PLEKHH2: variants seen among roughly 807,000 people sequenced by gnomAD.
PLEKHH2 encodes pleckstrin homology, MyTH4 and FERM domain containing H2.
In PLEKHH2, 129 loss-of-function variants were observed where a neutral mutation model predicts 187.9. The observed-to-expected ratio is 0.69, with a 90% CI of 0.59 to 0.79. The LOEUF is 0.79. Ranked by LOEUF, PLEKHH2 falls within the 30% of genes least tolerant of loss-of-function variation. PLEKHH2 has a pLI of 0.00. For missense variants in PLEKHH2, 2,076 were observed against 1,751.2 expected (o/e 1.19, Z -3.31); for synonymous variants, 686 against 605.6 (o/e 1.13, Z -1.95).
At position 43,700,460 on chromosome 2, in the gene PLEKHH2, A is replaced by G. The variant is rs1409317242; in HGVS notation, c.1502A>G (p.Glu501Gly). 1.9e-6 allele frequency: 3 copies of G among 1,614,014 alleles called. No individual in the cohort carries two copies. The African/African-American group carries it at 4.0e-5, about 22-fold the overall frequency. ...LVDGDSTEVL[E>G]NMDTSCDDGL... is the part of the protein sequence containing the mutation. ...GATGGAGACAGTACAGAAGTTTTAG[A>G]GAATATGGACACGAGTTGTGATGAT... The change falls in exon 8 of 30, where the codon GAG (glutamate) becomes GGG (glycine). Residue 501 changes from glutamate to glycine, a missense_variant. By Grantham distance (98) the Glu-to-Gly change is moderately conservative (BLOSUM62 -2). Transcript: ENST00000282406.
At chr2:43,758,406 T>C (rs1215056824) in intron 26 of PLEKHH2, among the ~76,000 whole-genome samples, 3 of 152,026 alleles carry the variant, frequency 2.0e-5, no homozygotes, top group Non-Finnish European at 4.4e-5. Flanking sequence ...GCACCCGCCA[T>C]CATGCCTGGC....
At chr2:43,652,260 A>G (rs1172237556) in intron 2 of PLEKHH2, among the ~76,000 whole-genome samples, 1 of 152,192 alleles carries the variant, frequency 6.6e-6, no homozygotes, top group Non-Finnish European at 1.5e-5. Context: ...GTTGACTCTA[A>G]GGGCCACAGA....
At chr2:43,764,444 C>G (rs1558640039) in intron 29 of PLEKHH2, 79 bp downstream of exon 29, 1 of 1,416,498 alleles carries the variant, frequency 7.1e-7, no homozygotes, top group Non-Finnish European at 9.7e-7. Context: ...AAAAGCAATG[C>G]TAATTGTTTT....
chr2:43,707,489 C>T lies in PLEKHH2; in HGVS notation c.1910C>T (p.Ser637Leu), dbSNP rs1464046160. Reference sequence around the variant, plus strand: ...AGCTCCAGATCCAGCTCCCGGACGTCAGAGTCAGACTCACGCAGTAGGAGT... The same window carrying T: ...AGCTCCAGATCCAGCTCCCGGACGTTAGAGTCAGACTCACGCAGTAGGAGT... ...EDSSRSSSRT[S>L]ESDSRSRSGP... is the part of the protein sequence containing the mutation. Residue 637 changes from serine to leucine, a missense_variant, in exon 11 of 30, where the codon TCA becomes TTA. Physicochemically the swap from Ser to Leu is moderately radical, Grantham distance 145 (BLOSUM62 -2). Coordinates refer to ENST00000282406, the MANE Select transcript of PLEKHH2 (RefSeq NM_172069.4). 3 of 1,613,988 alleles carry T rather than the reference C, an allele frequency of 1.9e-6. No individual in the cohort carries two copies. The African/African-American group carries it at 4.0e-5, about 22-fold the overall frequency.
At chr2:43,740,858 G>A (rs1202436837) in intron 20 of PLEKHH2, 88 bp from the exon 21 acceptor site, 2 of 1,526,572 alleles carry the variant, frequency 1.3e-6, no homozygotes, top group Non-Finnish European at 1.8e-6. Flanking sequence ...TGGGTTAAGA[G>A]AGACTGTCAT....
chr2:43,708,605 A>G (rs1462370257), intron 11 of PLEKHH2, among the ~76,000 whole-genome samples: 2 of 151,992 alleles, frequency 1.3e-5, no homozygotes, highest in Non-Finnish European at 2.9e-5. Flanking sequence ...GTTCCATACC[A>G]CCTACTGCCT....
At chr2:43,673,805 A>T (rs951077109) in intron 2 of PLEKHH2, among the ~76,000 whole-genome samples, 1 of 152,186 alleles carries the variant, frequency 6.6e-6, no homozygotes, top group Non-Finnish European at 1.5e-5. Flanking sequence ...CTGAGTTCCA[A>T]TTTAGGTCTT....
rs540469665 is a variant in PLEKHH2, at chr2:43,639,113, T to C, written c.-4+1734T>C. On this transcript the variant is annotated intron_variant, in intron 1 of 29. Coordinates refer to ENST00000282406, the MANE Select transcript of PLEKHH2 (RefSeq NM_172069.4). ...TTCATATTTGGGGTTAACAGTTACC[T>C]CTCAATTTTTTGAGCTAATTGTGAA... Among the ~76,000 whole-genome samples the C allele has an allele frequency of 2.6e-5, 4 of 152,330 alleles. No homozygotes were observed. The South Asian group carries it at 8.3e-4, about 32-fold the overall frequency.
chr2:43,704,542 A>G (rs1669551412), intron 9 of PLEKHH2, among the ~76,000 whole-genome samples: 1 of 151,814 alleles, frequency 6.6e-6, no homozygotes, highest in South Asian at 2.1e-4. Context: ...GGGCGCCCAT[A>G]GCCCCAGCTA....
At chr2:43,715,795 T>A (rs906031692) in intron 15 of PLEKHH2, among the ~76,000 whole-genome samples, 3 of 152,146 alleles carry the variant, frequency 2.0e-5, no homozygotes, top group African/African-American at 7.2e-5. Context: ...AGTTAAAAAG[T>A]CCAGCAGGCA....
rs1317142162 is a variant in PLEKHH2, at chr2:43,765,818, A to G, written c.*220A>G. On this transcript the variant is annotated 3_prime_UTR_variant, in exon 30 of 30. Transcript: ENST00000282406. ...TTTGCCAACACACTAATTTTCTTAT[A>G]GAGTAAATGAGTAAGAATTCATCAT... is the stretch of plus-strand genomic sequence containing the variant. The G allele has an allele frequency of 4.8e-6, 2 of 415,726 alleles. No individual in the cohort carries two copies. The highest frequency in any genetic ancestry group is 3.6e-5 in the East Asian group (1 of 27,980). 25.8% of individuals were successfully genotyped at this position (415,726 alleles called of 1,614,324 possible).
At chr2:43,755,206 G>C (rs1023784202) in intron 25 of PLEKHH2, among the ~76,000 whole-genome samples, 1 of 151,856 alleles carries the variant, frequency 6.6e-6, no homozygotes, top group Non-Finnish European at 1.5e-5. Flanking sequence ...ACTAATCATC[G>C]TCCCTCCTCT....
At chr2:43,691,851 T>G (rs1188332373) in intron 3 of PLEKHH2, among the ~76,000 whole-genome samples, 3 of 152,106 alleles carry the variant, frequency 2.0e-5, no homozygotes, top group Non-Finnish European at 2.9e-5. Context: ...CAGGCAGAGA[T>G]TTGGGGGTCT....
intron 2 of PLEKHH2, among the ~76,000 whole-genome samples, chr2:43,654,524 G>C (rs1666647592): frequency 7.0e-6 from 1 of 142,454 alleles, no homozygotes; most frequent in Non-Finnish European, 1.5e-5. Context: ...CTGAATTTCT[G>C]TTCTTTAAGT....
chr2:43,725,159 C>A (rs1670679000), intron 16 of PLEKHH2, among the ~76,000 whole-genome samples: 1 of 152,112 alleles, frequency 6.6e-6, no homozygotes, highest in African/African-American at 2.4e-5. Flanking sequence ...GCTATCTGTA[C>A]AGAGCAGAGT....
intron 15 of PLEKHH2, among the ~76,000 whole-genome samples, chr2:43,719,623 A>G (rs1558557167): frequency 6.6e-6 from 1 of 152,176 alleles, no homozygotes; most frequent in Non-Finnish European, 1.5e-5. Context: ...TATTTTTAGT[A>G]GAGACAAGGT....
chr2:43,749,009 G>A (rs930349336), intron 24 of PLEKHH2, among the ~76,000 whole-genome samples: 36 of 152,010 alleles, frequency 2.4e-4, no homozygotes, highest in African/African-American at 8.2e-4. Flanking sequence ...TGCCCGCCTC[G>A]GCCTCCCAAA....
At chr2:43,679,131 A>G (rs1366330861) in intron 3 of PLEKHH2, among the ~76,000 whole-genome samples, 1 of 152,192 alleles carries the variant, frequency 6.6e-6, no homozygotes, top group Admixed American at 6.5e-5. Context: ...TTCCATTAGG[A>G]AGGAAGTTTT....
intron 15 of PLEKHH2, among the ~76,000 whole-genome samples, chr2:43,714,018 T>C (rs1670094072): frequency 6.6e-6 from 1 of 152,218 alleles, no homozygotes; most frequent in African/African-American, 2.4e-5. Flanking sequence ...TCTTAGTTAC[T>C]GATGGGTTAG....
Sources: gnomAD v4.1 joint callset for allele counts (sites outside exome capture counted in the v4.1 genomes callset) on GRCh38, gnomAD v4.1.1 for gene constraint, MANE v1.5 for transcripts, NCBI Gene and HGNC (gene_info 2026-07-23, HGNC 2026-07-21) for gene names.